The following LINGO2 variants were observed in gnomAD, a reference collection of about 807,000 sequenced individuals.
LINGO2 encodes the protein leucine rich repeat and Ig domain containing 2.
LINGO2 carries 14 observed loss-of-function variants against 30.6 expected under a neutral mutation model. The ratio of observed to expected loss-of-function variants is 0.46; its 90% CI spans 0.30 to 0.72. The LOEUF is 0.72. Among genes scored for constraint, LINGO2 ranks in the 30% least tolerant of loss-of-function variants. The pLI is 0.07. For synonymous variants in LINGO2, 317 were observed against 288.5 expected (o/e 1.10, Z -1.00); for missense variants, 729 against 751.7 (o/e 0.97, Z 0.35).
the LINGO2 span, among the ~76,000 whole-genome samples, chr9:28,746,114 G>T: frequency 6.6e-6 from 1 of 151,828 alleles, no homozygotes; most frequent in African/African-American, 2.4e-5. Context: ...AGATTATTGA[G>T]TTCAGGTAAC....
intron 4 of LINGO2, among the ~76,000 whole-genome samples, chr9:28,196,007 TA>T (rs1819997291): frequency 1.3e-5 from 2 of 151,644 alleles, no homozygotes; most frequent in Admixed American, 6.6e-5. Context: ...TATATTTATA[TA>T]ATCAACTATA....
At chr9:28,549,053 G>T (rs952462247) in intron 1 of LINGO2, among the ~76,000 whole-genome samples, 1 of 151,892 alleles carries the variant, frequency 6.6e-6, no homozygotes, top group African/African-American at 2.4e-5. Flanking sequence ...CCTGTATACA[G>T]TTCTTTCAGA....
chr9:28,246,285 A>G (rs1160163329), intron 4 of LINGO2, among the ~76,000 whole-genome samples: 1 of 151,998 alleles, frequency 6.6e-6, no homozygotes. Context: ...TTAGCCGGGC[A>G]TGGTGGTGTG....
intron 1 of LINGO2, among the ~76,000 whole-genome samples, chr9:28,602,281 C>T (rs1184395386): frequency 6.6e-6 from 1 of 151,938 alleles, no homozygotes. Context: ...GAATATACCC[C>T]ATGTTGCAGG....
chr9:28,507,243 G>GCA (rs34532124), intron 1 of LINGO2, among the ~76,000 whole-genome samples: 151 of 151,720 alleles, frequency 1.0e-3, no homozygotes, highest in African/African-American at 3.4e-3. Flanking sequence ...GTGTGCGTGC[G>GCA]TGCGCACATG....
At chr9:28,908,315 A>C in the LINGO2 span, among the ~76,000 whole-genome samples, 2 of 151,954 alleles carry the variant, frequency 1.3e-5, no homozygotes, top group Middle Eastern at 3.4e-3. Context: ...CCTCTTTCAC[A>C]TTCTCCAGAA....
At chr9:28,356,461 T>C (rs1014930088) in intron 3 of LINGO2, among the ~76,000 whole-genome samples, 1 of 152,286 alleles carries the variant, frequency 6.6e-6, no homozygotes, top group Middle Eastern at 3.4e-3. Flanking sequence ...TGCCTTATTG[T>C]CACTCTGTTG....
chr9:28,388,971 C>T (rs7874463), intron 2 of LINGO2, among the ~76,000 whole-genome samples: 85,605 of 151,774 alleles, frequency 0.56, 24,629 homozygotes, highest in Non-Finnish European at 0.61. Context: ...TGAGAACCTA[C>T]TTGTGGTTAC....
At chr9:27,977,723 G>A (rs1158873954) in intron 5 of LINGO2, among the ~76,000 whole-genome samples, 1 of 151,698 alleles carries the variant, frequency 6.6e-6, no homozygotes, top group Admixed American at 6.6e-5. Flanking sequence ...TCACATGGGA[G>A]CCTGAATATG....
the LINGO2 span, among the ~76,000 whole-genome samples, chr9:28,769,132 G>A: frequency 1.3e-5 from 2 of 151,244 alleles, no homozygotes; most frequent in Non-Finnish European, 3.0e-5. Context: ...TTTTTTAAGG[G>A]TATTCTATAT....
chr9:28,506,507 T>G (rs193051022), intron 1 of LINGO2, among the ~76,000 whole-genome samples: 8 of 38,796 alleles, frequency 2.1e-4, no homozygotes, highest in Admixed American at 2.8e-4. Context: ...CACACAGACA[T>G]ATATATATAT....
At chr9:28,588,768 G>C (rs1380317933) in intron 1 of LINGO2, among the ~76,000 whole-genome samples, 1 of 151,986 alleles carries the variant, frequency 6.6e-6, no homozygotes, top group Non-Finnish European at 1.5e-5. Context: ...TTGGGCTGTG[G>C]TTACAAGGAC....
intron 4 of LINGO2, among the ~76,000 whole-genome samples, chr9:28,145,735 T>A (rs945359093): frequency 2.0e-5 from 3 of 152,198 alleles, no homozygotes; most frequent in Non-Finnish European, 4.4e-5. Flanking sequence ...TTAAGCTTCC[T>A]GTCTTACCCA....
intron 5 of LINGO2, among the ~76,000 whole-genome samples, chr9:27,962,922 A>G (rs1024973287): frequency 2.6e-5 from 4 of 152,184 alleles, no homozygotes; most frequent in African/African-American, 9.7e-5. Flanking sequence ...CCTAGCATGT[A>G]AAGTTGGATA....
chr9:28,510,436 A>G (rs1438481404), intron 1 of LINGO2, among the ~76,000 whole-genome samples: 1 of 152,162 alleles, frequency 6.6e-6, no homozygotes, highest in African/African-American at 2.4e-5. Context: ...TGCATTTACT[A>G]TTCATTAAGT....
chr9:28,782,108 T>TAA, the LINGO2 span, among the ~76,000 whole-genome samples: 33 of 152,146 alleles, frequency 2.2e-4, no homozygotes, highest in African/African-American at 5.8e-4. Context: ...TTACTTTGTT[T>TAA]AAAAATATAT....
At chr9:27,939,045 T>C in the LINGO2 span, 1 of 152,180 alleles carries the variant, frequency 6.6e-6, no homozygotes, top group African/African-American at 2.4e-5. Flanking sequence ...TTTAAAATGA[T>C]TTTCAATATA....
chr9:28,174,119 A>G (rs991204922), intron 4 of LINGO2, among the ~76,000 whole-genome samples: 1 of 152,194 alleles, frequency 6.6e-6, no homozygotes, highest in Non-Finnish European at 1.5e-5. Context: ...TGCATACACC[A>G]TATTTCTGTT....
chr9:29,125,426 T>C, the LINGO2 span, among the ~76,000 whole-genome samples: 1 of 142,572 alleles, frequency 7.0e-6, no homozygotes, highest in East Asian at 2.5e-4. Flanking sequence ...CCAAGTAAAA[T>C]TTAAAAATAT....
Sources: gnomAD v4.1 joint callset for allele counts (sites outside exome capture counted in the v4.1 genomes callset) on GRCh38, gnomAD v4.1.1 for gene constraint, MANE v1.5 for transcripts, NCBI Gene and HGNC (gene_info 2026-07-23, HGNC 2026-07-21) for gene names.